The following MTRR variants were observed in gnomAD, a reference collection of about 807,000 sequenced individuals.
The protein encoded by MTRR is 5-methyltetrahydrofolate-homocysteine methyltransferase reductase.
In MTRR, 63 loss-of-function variants were observed where a neutral mutation model predicts 79.2. The observed-to-expected ratio is 0.80, with a 90% confidence interval of 0.65 to 0.98. The LOEUF is 0.98. Among genes scored for constraint, MTRR ranks in the 50% least tolerant of loss-of-function variants. MTRR has a pLI of 0.00. For synonymous variants in MTRR, 355 were observed against 313.3 expected (o/e 1.13, Z -1.41); for missense variants, 895 against 839.6 (o/e 1.07, Z -0.82).
At chr5:7,872,806 C>G (rs1256658208) in intron 2 of MTRR, among the ~76,000 whole-genome samples, 1 of 152,118 alleles carries the variant, frequency 6.6e-6, no homozygotes, top group East Asian at 1.9e-4. Context: ...TCTGAGTCTC[C>G]CCATCCCCAT....
chr5:7,861,705 T>A, intron 1 of MTRR: 2 of 1,575,074 alleles, frequency 1.3e-6, no homozygotes, highest in Non-Finnish European at 1.7e-6. Context: ...ACAAACACTA[T>A]CTTCCTGTAT....
At chr5:7,866,535 T>C (rs1223021911), upstream of MTRR, 8 of 789,548 alleles carry the variant, frequency 1.0e-5, no homozygotes, top group African/African-American at 1.4e-4. Context: ...CATCTTCGGA[T>C]CACTATGGAA....
In MTRR at chr5:7,886,677, C is replaced by T. The variant is rs372106115; in HGVS notation, c.1120C>T (p.Leu374Phe). ...CSLQFIFTWC[L>F]EIRAIPKKAF... ...TCTCCAGTTCATTTTTACCTGGTGTCTTGAAATCCGAGCAATTCCTAAAAA... is the reference window on the plus strand; with the variant it reads ...TCTCCAGTTCATTTTTACCTGGTGTTTTGAAATCCGAGCAATTCCTAAAAA... The change falls in exon 8 of 15, where the codon CTT becomes TTT. Residue 374 changes from leucine (L) to phenylalanine (F), a missense_variant. Physicochemically the swap from Leu to Phe is conservative, Grantham distance 22 (BLOSUM62 0). Coordinates refer to ENST00000440940, the MANE Select transcript of MTRR (RefSeq NM_002454.3). The T allele has an allele frequency of 1.4e-4, 225 of 1,613,598 alleles. No individual in the cohort carries two copies. Among genetic ancestry groups the T allele is most frequent in the Non-Finnish European group, 1.8e-4 (214 of 1,179,634 alleles).
At position 7,897,245 on chromosome 5, in the gene MTRR, T is replaced by A. The variant is rs774861732; in HGVS notation, c.1950T>A (p.Cys650Ter). Residue 650 changes from cysteine (C) to a stop codon, truncating the protein, a stop_gained and splice_region_variant, in exon 14 of 15, where the codon TGT (cysteine) becomes TGA (stop). Coordinates refer to ENST00000440940, the MANE Select transcript of MTRR (RefSeq NM_002454.3). LOFTEE classifies it low-confidence loss of function (END_TRUNC). ...AGGAGAACGGCCATATTTATGTGTG[T>A]GGGTGAGTCATTATCGTGCCTAAGT... is the stretch of plus-strand genomic sequence containing the variant. ...LLQENGHIYVCGDAKNMAKDV... is the reference protein window; with the variant it reads ...LLQENGHIYV 6.2e-7 allele frequency: 1 copy of A among 1,614,026 alleles called. No homozygotes were observed. Among genetic ancestry groups the A allele is most frequent in the Non-Finnish European group, 8.5e-7 (1 of 1,180,000 alleles).
intron 4 of MTRR, among the ~76,000 whole-genome samples, chr5:7,876,814 T>C (rs938336566): frequency 6.6e-6 from 1 of 152,238 alleles, no homozygotes; most frequent in African/African-American, 2.4e-5. Context: ...GATTAATACA[T>C]GTCGTCCTCT....
chr5:7,900,515 G>T lies in MTRR; in HGVS notation c.*457G>T, dbSNP rs1338516210. 2.9e-5 allele frequency: 5 copies of T among 170,014 alleles called. No homozygotes were observed. Among genetic ancestry groups the T allele is most frequent in the Non-Finnish European group, 5.2e-5 (4 of 77,314 alleles). 10.5% of individuals were successfully genotyped at this position (170,014 alleles called of 1,614,324 possible). ...ACCCATAAAGAATGCTCATATTAAT[G>T]TACTTAAATTACACATGTAGAGCAT... On this transcript the variant is annotated 3_prime_UTR_variant, in exon 15 of 15. Transcript: ENST00000440940.
chr5:7,864,131 A>G (rs1306399986), upstream of MTRR, among the ~76,000 whole-genome samples: 1 of 152,228 alleles, frequency 6.6e-6, no homozygotes, highest in African/African-American at 2.4e-5. Context: ...GATTACAGGC[A>G]TGAGCCACTG....
chr5:7,886,229 A>G (rs1736401763), intron 7 of MTRR, among the ~76,000 whole-genome samples: 2 of 152,050 alleles, frequency 1.3e-5, no homozygotes, highest in Admixed American at 6.5e-5. Context: ...TGCTTTTTCC[A>G]TAATTAAGAG....
chr5:7,883,519 CTT>C (rs1735928232), intron 6 of MTRR, among the ~76,000 whole-genome samples: 4 of 139,444 alleles, frequency 2.9e-5, no homozygotes, highest in Non-Finnish European at 4.5e-5. Flanking sequence ...TTGTGTGGTG[CTT>C]GGTTACATAT....
chr5:7,883,839 C>T (rs995353080), intron 6 of MTRR, among the ~76,000 whole-genome samples: 4 of 152,042 alleles, frequency 2.6e-5, no homozygotes, highest in African/African-American at 9.7e-5. Context: ...TATAAGAGGC[C>T]CAGGAAAGGA....
chr5:7,852,663 C>T (rs968180129), intron 1 of MTRR, among the ~76,000 whole-genome samples: 1 of 152,100 alleles, frequency 6.6e-6, no homozygotes, highest in Non-Finnish European at 1.5e-5. Flanking sequence ...TTATTTTTCT[C>T]CCATGGGCTG....
chr5:7,857,976 T>C (rs1175592010), intron 1 of MTRR, among the ~76,000 whole-genome samples: 2 of 152,236 alleles, frequency 1.3e-5, no homozygotes, highest in African/African-American at 4.8e-5. Context: ...TTTTTCTTCA[T>C]AGCATTTATA....
At chr5:7,871,132 T>C (rs939008616) in intron 2 of MTRR, among the ~76,000 whole-genome samples, 8 of 114,236 alleles carry the variant, frequency 7.0e-5, no homozygotes, top group African/African-American at 3.4e-4. Flanking sequence ...GTCTCAAAAA[T>C]TGAAACAAGT....
upstream of MTRR, chr5:7,851,111 G>C: frequency 8.2e-7 from 1 of 1,220,730 alleles, no homozygotes; most frequent in South Asian, 4.1e-5. Context: ...AGGTTGCTCA[G>C]CGCCAGCGTC....
At chr5:7,884,273 C>G (rs1276079020) in intron 6 of MTRR, among the ~76,000 whole-genome samples, 3 of 152,150 alleles carry the variant, frequency 2.0e-5, no homozygotes, top group Non-Finnish European at 2.9e-5. Flanking sequence ...TATGGACTCT[C>G]CCAAAAAATG....
At chr5:7,877,781 G>A (rs1256916836) in intron 4 of MTRR, among the ~76,000 whole-genome samples, 163 bp from the exon 5 acceptor site, 1 of 151,994 alleles carries the variant, frequency 6.6e-6, no homozygotes, top group Admixed American at 6.6e-5. Context: ...TATCCTGCTT[G>A]TTAAAACTTA....
upstream of MTRR, chr5:7,868,972 C>T (rs928274774): frequency 3.7e-6 from 3 of 813,070 alleles, no homozygotes; most frequent in Non-Finnish European, 6.3e-6. Context: ...CCCGCGTTGA[C>T]ACCTACCGCG....
At chr5:7,874,727 A>T (rs1239494282) in intron 3 of MTRR, among the ~76,000 whole-genome samples, 1 of 151,576 alleles carries the variant, frequency 6.6e-6, no homozygotes, top group Non-Finnish European at 1.5e-5. Context: ...GAGTCAGTAA[A>T]CTCTATGAAG....
chr5:7,850,960 G>A (rs777647731), upstream of MTRR: 2 of 1,330,364 alleles, frequency 1.5e-6, no homozygotes, highest in Non-Finnish European at 1.9e-6. Context: ...CGCCGAGACG[G>A]GCGGCGGCCT....
Sources: allele counts gnomAD v4.1 joint callset (sites outside exome capture counted in the v4.1 genomes callset), GRCh38; gene constraint gnomAD v4.1.1; transcripts MANE v1.5; gene names NCBI Gene and HGNC (gene_info 2026-07-23, HGNC 2026-07-21).